ECE1: variants seen among roughly 807,000 people sequenced by gnomAD.
The protein encoded by ECE1 is endothelin converting enzyme 1.
In ECE1, 35 loss-of-function variants were observed where a neutral mutation model predicts 98.6. The observed-to-expected ratio is 0.35, with a 90% CI of 0.27 to 0.47. The LOEUF is 0.47. Ranked by LOEUF, ECE1 falls within the 20% of genes least tolerant of loss-of-function variation. The pLI is 1.00. For synonymous variants in ECE1, 394 were observed against 407.1 expected (o/e 0.97, Z 0.39); for missense variants, 814 against 1,025.3 (o/e 0.79, Z 2.81).
chr1:21,301,347 A>G (rs1393109416), intron 1 of ECE1, among the ~76,000 whole-genome samples: 1 of 152,116 alleles, frequency 6.6e-6, no homozygotes, highest in South Asian at 2.1e-4. Context: ...ACAAAAAATT[A>G]GCTTGGCGAG....
At chr1:21,277,678 A>G (rs187874647) in intron 3 of ECE1, among the ~76,000 whole-genome samples, 2 of 152,202 alleles carry the variant, frequency 1.3e-5, no homozygotes, top group African/African-American at 4.8e-5. Context: ...TCATTCAAAC[A>G]TTAATTTATT....
At chr1:21,293,110 T>C (rs1638252158), upstream of ECE1, among the ~76,000 whole-genome samples, 2 of 152,218 alleles carry the variant, frequency 1.3e-5, no homozygotes, top group Admixed American at 1.3e-4. Flanking sequence ...AGTTCTTTTA[T>C]ACCATCTCTT....
chr1:21,343,598 G>GT (rs1244986756), intron 1 of ECE1, among the ~76,000 whole-genome samples: 1 of 152,242 alleles, frequency 6.6e-6, no homozygotes, highest in East Asian at 1.9e-4. Flanking sequence ...CCCTTTGGAG[G>GT]TAAGTGTTAT....
Sources: allele counts gnomAD v4.1 joint callset (sites outside exome capture counted in the v4.1 genomes callset), GRCh38; gene constraint gnomAD v4.1.1; transcripts MANE v1.5; gene names NCBI Gene and HGNC (gene_info 2026-07-23, HGNC 2026-07-21).